The following PHACTR1 variants were observed in gnomAD, a reference collection of about 807,000 sequenced individuals.
PHACTR1 encodes the protein RPEL repeat containing 1.
PHACTR1 carries 16 observed loss-of-function variants against 69.2 expected under a neutral mutation model. The observed-to-expected ratio is 0.23, with a 90% CI of 0.16 to 0.35. The LOEUF is 0.35. Among genes scored for constraint, PHACTR1 ranks in the 10% least tolerant of loss-of-function variants. The probability of loss-of-function intolerance (pLI) is 1.00; values close to 1 mark genes in which losing one functional copy is unlikely to be tolerated. For synonymous variants in PHACTR1, 312 were observed against 284.5 expected, an observed-to-expected ratio of 1.10 and a Z score of -0.97; for missense variants, 510 against 734.7, an observed-to-expected ratio of 0.69 and a Z score of 3.54.
At chr6:12,739,520 A>C (rs1319911096) in intron 3 of PHACTR1, among the ~76,000 whole-genome samples, 1 of 151,992 alleles carries the variant, frequency 6.6e-6, no homozygotes, top group Non-Finnish European at 1.5e-5. Flanking sequence ...ATAAGCTAGA[A>C]GCTTTTTATA....
chr6:12,871,187 G>C (rs1410002970), intron 4 of PHACTR1, among the ~76,000 whole-genome samples: 3 of 152,122 alleles, frequency 2.0e-5, no homozygotes, highest in Non-Finnish European at 4.4e-5. Flanking sequence ...CAAGGAAAGG[G>C]GGCCAGATGA....
intron 10 of PHACTR1, among the ~76,000 whole-genome samples, chr6:13,268,529 C>T (rs1777142207): frequency 6.6e-6 from 1 of 152,192 alleles, no homozygotes; most frequent in African/African-American, 2.4e-5. Flanking sequence ...AACATATGTA[C>T]AGTGCTTGGA....
At chr6:13,227,710 C>G in intron 8 of PHACTR1, 106 bp from the exon 9 acceptor site, 1 of 1,412,516 alleles carries the variant, frequency 7.1e-7, no homozygotes, top group Non-Finnish European at 9.7e-7. Context: ...CCCAGTAGAC[C>G]CTTTGTCTCT....
intron 10 of PHACTR1, among the ~76,000 whole-genome samples, chr6:13,255,956 G>A (rs574206843): frequency 6.6e-6 from 1 of 150,850 alleles, no homozygotes; most frequent in Non-Finnish European, 1.5e-5. Flanking sequence ...GGGACTCTGT[G>A]GGGGGGGCTC....
At chr6:13,063,440 G>C (rs1335099608) in intron 5 of PHACTR1, among the ~76,000 whole-genome samples, 3 of 152,100 alleles carry the variant, frequency 2.0e-5, no homozygotes, top group Non-Finnish European at 4.4e-5. Context: ...GAATGTAGGA[G>C]AGCCAGGGAA....
chr6:13,068,039 A>C (rs1342157029), intron 5 of PHACTR1, among the ~76,000 whole-genome samples: 1 of 152,148 alleles, frequency 6.6e-6, no homozygotes, highest in African/African-American at 2.4e-5. Flanking sequence ...ACCTTAGGCT[A>C]GGCACGGTGG....
At chr6:13,181,271 A>G (rs990787307) in intron 6 of PHACTR1, among the ~76,000 whole-genome samples, 1 of 152,214 alleles carries the variant, frequency 6.6e-6, no homozygotes, top group African/African-American at 2.4e-5. Flanking sequence ...TAGAGGTGGA[A>G]CATAGCAAAA....
chr6:13,217,959 C>G (rs1024565941), intron 8 of PHACTR1, among the ~76,000 whole-genome samples: 3 of 152,248 alleles, frequency 2.0e-5, no homozygotes, highest in African/African-American at 4.8e-5. Context: ...AAACTCTCTT[C>G]ATAACTTGTG....
At chr6:13,164,464 G>A (rs1023565979) in intron 6 of PHACTR1, among the ~76,000 whole-genome samples, 7 of 152,170 alleles carry the variant, frequency 4.6e-5, no homozygotes, top group Admixed American at 4.6e-4. Context: ...AGCGATGCAT[G>A]GACCCTGACA....
At chr6:13,043,754 A>G (rs1198875274) in intron 4 of PHACTR1, among the ~76,000 whole-genome samples, 6 of 152,242 alleles carry the variant, frequency 3.9e-5, no homozygotes, top group Admixed American at 3.3e-4. Context: ...AAAAGGCACT[A>G]TTTATTTAAC....
chr6:12,927,239 G>A (rs1043971311), intron 4 of PHACTR1, among the ~76,000 whole-genome samples: 1 of 152,180 alleles, frequency 6.6e-6, no homozygotes, highest in African/African-American at 2.4e-5. Context: ...TATAGAGTAT[G>A]GTGACCCAGT....
At chr6:12,928,813 G>C (rs913530975) in intron 4 of PHACTR1, among the ~76,000 whole-genome samples, 10 of 152,150 alleles carry the variant, frequency 6.6e-5, no homozygotes, top group Admixed American at 5.9e-4. Flanking sequence ...CTATAACAAA[G>C]ACAGGCAAAG....
rs540173527 is a variant in PHACTR1 at position 12,813,757 on chromosome 6, C to A, written c.250+63967C>A. ...CAGCTAGATGAAGGCCAACACTAGGCGCAAGTCACCACTGGAACTAGTGCT... is the reference window on the plus strand; with the variant it reads ...CAGCTAGATGAAGGCCAACACTAGGAGCAAGTCACCACTGGAACTAGTGCT... On this transcript the variant is annotated intron_variant, in intron 4 of 14. Coordinates refer to ENST00000332995, the MANE Select transcript of PHACTR1 (RefSeq NM_030948.6). Among the ~76,000 whole-genome samples, 16 of 152,308 alleles carry A rather than the reference C, an allele frequency of 1.1e-4. No homozygotes were observed. In the South Asian group the frequency reaches 3.3e-3, roughly 32 times the overall value.
At chr6:13,224,150 A>G (rs1320361846) in intron 8 of PHACTR1, among the ~76,000 whole-genome samples, 1 of 152,236 alleles carries the variant, frequency 6.6e-6, no homozygotes, top group Non-Finnish European at 1.5e-5. Context: ...GGCACTAAGC[A>G]TAGTAATAGG....
chr6:13,276,123 T>TTAA (rs1554185051), intron 11 of PHACTR1: 2 of 143,076 alleles, frequency 1.4e-5, no homozygotes, highest in Non-Finnish European at 3.0e-5. Flanking sequence ...AAATTTGCAT[T>TTAA]AAAAAAAAAA....
intron 4 of PHACTR1, among the ~76,000 whole-genome samples, chr6:12,876,732 A>G (rs1216171473): frequency 1.3e-5 from 2 of 152,230 alleles, no homozygotes; most frequent in African/African-American, 4.8e-5. Context: ...AAACAGAACC[A>G]GTAGGATAGA....
chr6:12,798,713 G>C (rs1773368251), intron 4 of PHACTR1, among the ~76,000 whole-genome samples: 1 of 152,196 alleles, frequency 6.6e-6, no homozygotes, highest in African/African-American at 2.4e-5. Flanking sequence ...TATCGCAAAG[G>C]AAGCTGTTTT....
chr6:13,194,963 G>A (rs1398800222), intron 7 of PHACTR1, among the ~76,000 whole-genome samples: 1 of 152,058 alleles, frequency 6.6e-6, no homozygotes, highest in African/African-American at 2.4e-5. Flanking sequence ...GACCTGGCTT[G>A]GAAGGGAAAG....
chr6:12,924,700 A>T (rs9472981), intron 4 of PHACTR1, among the ~76,000 whole-genome samples: 2 of 149,844 alleles, frequency 1.3e-5, no homozygotes, highest in Non-Finnish European at 3.0e-5. Context: ...GCATGAACCC[A>T]GGAGGCAGAG....
Sources: gnomAD v4.1 joint callset for allele counts (sites outside exome capture counted in the v4.1 genomes callset) on GRCh38, gnomAD v4.1.1 for gene constraint, MANE v1.5 for transcripts, NCBI Gene and HGNC (gene_info 2026-07-23, HGNC 2026-07-21) for gene names.